Variants in CPE observed in about 807,000 individuals in gnomAD.
The protein encoded by CPE is carboxypeptidase E.
In CPE, 17 loss-of-function variants were observed where a neutral mutation model predicts 53.5. That is an observed-to-expected ratio of 0.32 (90% CI 0.22 to 0.48). CPE has a LOEUF of 0.48. Among genes scored for constraint, CPE ranks in the 20% least tolerant of loss-of-function variants. The pLI is 0.99. For missense variants in CPE, 524 were observed against 614.7 expected (o/e 0.85, Z 1.56); for synonymous variants, 226 against 228.8 (o/e 0.99, Z 0.11).
intron 1 of CPE, among the ~76,000 whole-genome samples, chr4:165,435,316 A>C (rs1275398946): frequency 6.6e-6 from 1 of 152,190 alleles, no homozygotes; most frequent in East Asian, 1.9e-4. Flanking sequence ...CTTTCTGAGA[A>C]AGTTGAAATG....
intron 1 of CPE, among the ~76,000 whole-genome samples, chr4:165,428,031 C>G (rs1339780364): frequency 1.3e-5 from 2 of 151,046 alleles, no homozygotes; most frequent in East Asian, 2.0e-4. Context: ...TTTCTTTCCT[C>G]TTTTATTTCT....
At chr4:165,490,737 C>T (rs1732588647) in intron 6 of CPE, among the ~76,000 whole-genome samples, 1 of 151,614 alleles carries the variant, frequency 6.6e-6, no homozygotes, top group Non-Finnish European at 1.5e-5. Flanking sequence ...GAATCACACT[C>T]TCTGCAGGGC....
At chr4:165,428,468 A>G (rs1387255726) in intron 1 of CPE, among the ~76,000 whole-genome samples, 3 of 152,240 alleles carry the variant, frequency 2.0e-5, no homozygotes, top group African/African-American at 7.2e-5. Context: ...TCCCTTTGAC[A>G]TCACAGCATA....
At chr4:165,459,421 G>A (rs1044006262) in intron 1 of CPE, among the ~76,000 whole-genome samples, 2 of 152,122 alleles carry the variant, frequency 1.3e-5, no homozygotes, top group South Asian at 2.1e-4. Flanking sequence ...TGAGAAGATC[G>A]TCTTTTAATA....
At position 165,405,590 on chromosome 4, in the gene CPE, C is replaced by G. The variant is rs1020452327; in HGVS notation, c.307+26062C>G. On this transcript the variant is annotated intron_variant, in intron 1 of 8. Coordinates refer to ENST00000402744, the MANE Select transcript of CPE (RefSeq NM_001873.4). ...TAATTTTTCCACTAATCCCTTGTCT[C>G]TCTTTGGAGAGATCTTCTTATCAGC... The G allele has an allele frequency of 1.4e-5, 11 of 806,962 alleles. No individual in the cohort carries two copies. In the Admixed American group the frequency reaches 1.5e-4, roughly 11 times the overall value. 50.0% of individuals were successfully genotyped at this position (806,962 alleles called of 1,614,324 possible).
intron 1 of CPE, among the ~76,000 whole-genome samples, chr4:165,394,581 G>C (rs1730734246): frequency 6.6e-6 from 1 of 152,018 alleles, no homozygotes; most frequent in South Asian, 2.1e-4. Context: ...GAGGTTTCCT[G>C]TTAAAAAAAC....
In CPE at chr4:165,397,938, G is replaced by C. The variant is rs1386949416; in HGVS notation, c.307+18410G>C. On this transcript the variant is annotated intron_variant, in intron 1 of 8. Transcript: ENST00000402744. ...ATTGTGGTACATGCCTATAGTCCTG[G>C]CTACTCCAGAGGCTGAGGTGGGAGG... 2.0e-5 allele frequency among the ~76,000 whole-genome samples: 3 copies of C among 151,432 alleles called. No homozygotes were observed. The East Asian group carries it at 5.8e-4, about 29-fold the overall frequency.
At chr4:165,430,777 G>GA (rs1353336414) in intron 1 of CPE, among the ~76,000 whole-genome samples, 3 of 151,910 alleles carry the variant, frequency 2.0e-5, no homozygotes, top group South Asian at 2.1e-4. Context: ...TTCAGGAAAA[G>GA]AAAAAAAATG....
chr4:165,388,522 C>T (rs761127994), intron 1 of CPE, among the ~76,000 whole-genome samples: 52 of 152,108 alleles, frequency 3.4e-4, no homozygotes, highest in Non-Finnish European at 6.6e-4. Context: ...AATGCCATTG[C>T]GTTCCTTGAA....
intron 4 of CPE, among the ~76,000 whole-genome samples, chr4:165,482,810 G>C (rs1732438136): frequency 6.6e-6 from 1 of 152,164 alleles, no homozygotes; most frequent in Non-Finnish European, 1.5e-5. Flanking sequence ...ACTGTTTCTG[G>C]TGGTGTCAGG....
At chr4:165,400,387 T>A (rs1730847295) in intron 1 of CPE, among the ~76,000 whole-genome samples, 1 of 152,002 alleles carries the variant, frequency 6.6e-6, no homozygotes, top group Non-Finnish European at 1.5e-5. Flanking sequence ...ATTTTTAAGA[T>A]TAAATGAGCA....
intron 1 of CPE, among the ~76,000 whole-genome samples, chr4:165,454,875 C>G (rs181092770): frequency 2.0e-5 from 3 of 152,168 alleles, no homozygotes; most frequent in African/African-American, 7.2e-5. Context: ...CAAGATACAG[C>G]GCCTGCTTCT....
At chr4:165,475,177 A>C (rs1732274465) in intron 3 of CPE, among the ~76,000 whole-genome samples, 1 of 152,174 alleles carries the variant, frequency 6.6e-6, no homozygotes, top group Admixed American at 6.5e-5. Context: ...CTCCTTTCAA[A>C]GGAGTGTTAA....
In CPE at chr4:165,495,687, C is replaced by A; in HGVS notation, c.1332+10C>A. ...CAGCCCTGCTGCTGGGGTAAGTAAT[C>A]ATAATAATAGCCAAACGCTATAATA... On this transcript the variant is annotated intron_variant, in intron 8 of 8. Transcript: ENST00000402744. 32 of 1,533,548 alleles carry A rather than the reference C, an allele frequency of 2.1e-5. No individual in the cohort carries two copies. The highest frequency in any genetic ancestry group is 2.9e-5 in the Non-Finnish European group (32 of 1,112,552). The allele number at this position is 1,533,548 out of a possible 1,614,324, so 95.0% of individuals were successfully genotyped here.
At chr4:165,455,951 C>A (rs72976134) in intron 1 of CPE, among the ~76,000 whole-genome samples, 2,911 of 152,176 alleles carry the variant, frequency 0.019, 101 homozygotes, top group African/African-American at 0.067. Context: ...CCATGCCTGG[C>A]CACAAGTCAA....
In CPE at chr4:165,379,591, C is replaced by T; in HGVS notation, c.307+63C>T. The T allele has an allele frequency of 2.1e-6, 1 of 473,636 alleles. No individual in the cohort carries two copies. The highest frequency in any genetic ancestry group is 3.4e-6 in the Non-Finnish European group (1 of 296,670). The allele number at this position is 473,636 out of a possible 1,614,324, so 29.3% of individuals were successfully genotyped here. A position where few individuals can be genotyped will look rare whatever the true frequency, so the allele number is the denominator to read the frequency against. On this transcript the variant is annotated intron_variant, in intron 1 of 8. Transcript: ENST00000402744. The surrounding 1 kb of genome is among the most constrained non-coding windows in gnomAD (Gnocchi z 6.0). ...CGGAGGGGGGCGGCAGAGGGTGGGA[C>T]TGGTGGCGGTGGGGGAAGGAGGGAG...
At chr4:165,405,543 G>T in intron 1 of CPE, 1 of 946,804 alleles carries the variant, frequency 1.1e-6, no homozygotes. Context: ...CTGACAAATG[G>T]AATAGTCATG....
chr4:165,449,244 C>T (rs369244411), intron 1 of CPE, among the ~76,000 whole-genome samples: 12 of 152,236 alleles, frequency 7.9e-5, no homozygotes, highest in Admixed American at 3.3e-4. Context: ...AATGCTAATG[C>T]CTGCATTTAT....
Position 165,410,241 on chromosome 4 carries a change from T to TAAA in CPE, c.307+30730_307+30732dup, listed in dbSNP as rs70955614. Among the ~76,000 whole-genome samples the TAAA allele has an allele frequency of 7.5e-5, 9 of 119,670 alleles. No individual in the cohort carries two copies. The South Asian group carries it at 1.1e-3, about 15-fold the overall frequency. 78.5% of individuals were successfully genotyped at this position (119,670 alleles called of 152,430 possible). A position where few individuals can be genotyped will look rare whatever the true frequency, so the allele number is the denominator to read the frequency against. On this transcript the variant is annotated intron_variant, in intron 1 of 8. Transcript: ENST00000402744. The stretch of plus-strand genomic sequence containing the variant: ...TGTAACCTGACAGAGGGATACTCTG[T>TAAA]AAAAAAAAAAAAAAAAAAATCAGAG...
Sources: allele counts gnomAD v4.1 joint callset (sites outside exome capture counted in the v4.1 genomes callset), GRCh38; gene constraint gnomAD v4.1.1; non-coding constraint Gnocchi (gnomAD v3.1); transcripts MANE v1.5; gene names NCBI Gene and HGNC (gene_info 2026-07-23, HGNC 2026-07-21).